Variants in ACTR3C observed in about 807,000 individuals in gnomAD.
ACTR3C encodes the protein actin related protein 3C, also known as actin-related protein 3C.
A neutral mutation model predicts 26.3 loss-of-function variants in ACTR3C; 18 were observed. That is an observed-to-expected ratio of 0.68 (90% CI 0.47 to 1.01). ACTR3C has a LOEUF of 1.01. ACTR3C is among the 50% of genes least tolerant of loss of function. The pLI is 0.00. For missense variants in ACTR3C, 184 were observed against 250.7 expected (o/e 0.73, Z 1.80); for synonymous variants, 55 against 94.5 (o/e 0.58, Z 2.42).
chr7:149,969,052 C>T, the ACTR3C span, among the ~76,000 whole-genome samples: 8 of 152,002 alleles, frequency 5.3e-5, no homozygotes, highest in Admixed American at 5.2e-4. Flanking sequence ...TAGAACCAAC[C>T]TCATGTCCTT....
the ACTR3C span, among the ~76,000 whole-genome samples, chr7:150,044,493 C>T: frequency 1.3e-5 from 2 of 152,012 alleles, no homozygotes; most frequent in Admixed American, 6.5e-5. Flanking sequence ...TAGTACTGAC[C>T]CACCCAAAAC....
At chr7:149,948,396 C>T in the ACTR3C span, among the ~76,000 whole-genome samples, 5 of 150,874 alleles carry the variant, frequency 3.3e-5, no homozygotes, top group Admixed American at 2.6e-4. Context: ...CTCACCTCAT[C>T]GCTCCACTTT....
intron 6 of ACTR3C, among the ~76,000 whole-genome samples, chr7:150,267,494 A>G (rs749222843): frequency 1.4e-4 from 22 of 152,204 alleles, no homozygotes; most frequent in Non-Finnish European, 2.9e-4. Context: ...TAGTGGTCAG[A>G]CCGACTACTG....
At chr7:150,094,266 C>A in the ACTR3C span, among the ~76,000 whole-genome samples, 3 of 149,988 alleles carry the variant, frequency 2.0e-5, no homozygotes, top group Non-Finnish European at 4.4e-5. Flanking sequence ...GATAACAGAA[C>A]CCAGAGTGAA....
At chr7:150,014,251 C>T in the ACTR3C span, among the ~76,000 whole-genome samples, 11 of 152,046 alleles carry the variant, frequency 7.2e-5, no homozygotes, top group East Asian at 1.9e-4. Flanking sequence ...GTCAGGAGAT[C>T]GAGACCATCC....
chr7:150,029,368 T>C, the ACTR3C span, among the ~76,000 whole-genome samples: 1 of 129,932 alleles, frequency 7.7e-6, no homozygotes, highest in Non-Finnish European at 1.6e-5. Context: ...GAGACCAGGC[T>C]GGGCAACATA....
the ACTR3C span, among the ~76,000 whole-genome samples, chr7:150,026,208 C>A: frequency 1.3e-5 from 2 of 152,150 alleles, no homozygotes; most frequent in South Asian, 2.1e-4. Context: ...ATAACCCTGG[C>A]AAACCCTGAT....
chr7:150,225,118 A>G, the ACTR3C span, among the ~76,000 whole-genome samples: 2 of 151,614 alleles, frequency 1.3e-5, no homozygotes, highest in African/African-American at 4.9e-5. Context: ...CACCTTGTAC[A>G]TTTCCTGTCA....
At chr7:150,196,210 A>C in the ACTR3C span, among the ~76,000 whole-genome samples, 2 of 152,170 alleles carry the variant, frequency 1.3e-5, no homozygotes, top group South Asian at 4.1e-4. Context: ...TTCTCCTCAA[A>C]TCTTTGTCAT....
the ACTR3C span, among the ~76,000 whole-genome samples, chr7:150,046,877 T>C: frequency 6.7e-6 from 1 of 149,866 alleles, no homozygotes; most frequent in Non-Finnish European, 1.5e-5. Context: ...GTAGGAAATG[T>C]GCTCTCGGAG....
chr7:150,234,478 C>T, the ACTR3C span, among the ~76,000 whole-genome samples: 2 of 152,032 alleles, frequency 1.3e-5, no homozygotes, highest in Admixed American at 6.5e-5. Flanking sequence ...ACTGTGAGAG[C>T]TTGGTGGGGC....
At chr7:150,180,803 C>A in the ACTR3C span, among the ~76,000 whole-genome samples, 1 of 148,630 alleles carries the variant, frequency 6.7e-6, no homozygotes. Context: ...AGCCACTGTG[C>A]CTGGCCAGTA....
At chr7:150,290,538 C>A (rs1836167277) in intron 3 of ACTR3C, among the ~76,000 whole-genome samples, 1 of 152,054 alleles carries the variant, frequency 6.6e-6, no homozygotes, top group Non-Finnish European at 1.5e-5. Context: ...GTGCCACAGT[C>A]CCCAAATGAG....
In ACTR3C at chr7:150,274,779, G is replaced by A. The variant is rs1418611701; in HGVS notation, c.564+9974C>T. On this transcript the variant is annotated intron_variant, in intron 6 of 7. Transcript: ENST00000683684. This position sits in a 1 kb window ranked among gnomAD's most constrained non-coding sequence, Gnocchi z 4.1. The stretch of plus-strand genomic sequence containing the variant: ...AACTAAAAATAATACTGCTCAAAAC[G>A]CTTCCCACAAAAGCCAAAAGCCAAT... 2.6e-5 allele frequency among the ~76,000 whole-genome samples: 4 copies of A among 152,222 alleles called. No individual in the cohort carries two copies. The highest frequency in any genetic ancestry group is 3.9e-4 in the East Asian group (2 of 5,178).
At chr7:150,235,343 T>C in the ACTR3C span, among the ~76,000 whole-genome samples, 34,864 of 152,098 alleles carry the variant, frequency 0.23, 6,439 homozygotes, top group African/African-American at 0.51. Context: ...AACATTTCTC[T>C]TTTCCTCCAT....
At chr7:150,255,942 G>A (rs1484074125) in intron 6 of ACTR3C, among the ~76,000 whole-genome samples, 4 of 152,202 alleles carry the variant, frequency 2.6e-5, no homozygotes, top group African/African-American at 9.7e-5. Flanking sequence ...AGAAATTTAA[G>A]TGGTTTCTCC....
the ACTR3C span, among the ~76,000 whole-genome samples, chr7:149,929,476 T>C: frequency 7.3e-6 from 1 of 137,928 alleles, no homozygotes; most frequent in Non-Finnish European, 1.6e-5. Flanking sequence ...CTTAAACTAA[T>C]GGGTGAAAGT....
chr7:150,269,302 C>T (rs1258173151), intron 6 of ACTR3C, among the ~76,000 whole-genome samples: 1 of 137,718 alleles, frequency 7.3e-6, no homozygotes, highest in Non-Finnish European at 1.5e-5. Flanking sequence ...ACAGGGCGTT[C>T]GGAGCCCTTC....
At chr7:149,980,549 G>A in the ACTR3C span, among the ~76,000 whole-genome samples, 1 of 152,170 alleles carries the variant, frequency 6.6e-6, no homozygotes, top group African/African-American at 2.4e-5. Flanking sequence ...TGCAAAACAA[G>A]CTAAATTATA....
Sources: gnomAD v4.1 joint callset for allele counts (sites outside exome capture counted in the v4.1 genomes callset) on GRCh38, gnomAD v4.1.1 for gene constraint, Gnocchi (gnomAD v3.1) non-coding constraint, MANE v1.5 for transcripts, NCBI Gene and HGNC (gene_info 2026-07-23, HGNC 2026-07-21) for gene names.